ZNF804A: variants seen among roughly 807,000 people sequenced by gnomAD.
The protein encoded by ZNF804A is zinc finger protein 804A.
ZNF804A carries 2 observed loss-of-function variants against 16.5 expected under a neutral mutation model. The ratio of observed to expected loss-of-function variants is 0.12; its 90% CI spans 0.05 to 0.38. The LOEUF (loss-of-function observed/expected upper bound fraction) is 0.38. Among genes scored for constraint, ZNF804A ranks in the 10% least tolerant of loss-of-function variants. The pLI is 0.99. For synonymous variants in ZNF804A, 534 were observed against 489.6 expected (o/e 1.09, Z -1.20); for missense variants, 1,473 against 1,390.7 (o/e 1.06, Z -0.94).
At chr2:184,625,399 A>G (rs1409413533) in intron 1 of ZNF804A, among the ~76,000 whole-genome samples, 1 of 152,122 alleles carries the variant, frequency 6.6e-6, no homozygotes, top group Non-Finnish European at 1.5e-5. Flanking sequence ...TTATTATATA[A>G]GTATAATTTT....
At chr2:184,767,641 T>A (rs1266002735) in intron 1 of ZNF804A, among the ~76,000 whole-genome samples, 1 of 152,172 alleles carries the variant, frequency 6.6e-6, no homozygotes, top group Admixed American at 6.6e-5. Flanking sequence ...ACTCACTTTA[T>A]TAAAATGATC....
chr2:184,823,251 A>G (rs1355524864), intron 1 of ZNF804A, among the ~76,000 whole-genome samples: 1 of 151,986 alleles, frequency 6.6e-6, no homozygotes, highest in East Asian at 1.9e-4. Context: ...AGATTGATCC[A>G]GTGATTTTAT....
At chr2:184,878,227 G>A (rs1446414420) in intron 2 of ZNF804A, among the ~76,000 whole-genome samples, 1 of 152,042 alleles carries the variant, frequency 6.6e-6, no homozygotes, top group East Asian at 1.9e-4. Flanking sequence ...TGGTAATCCT[G>A]CTATGGACAA....
chr2:184,838,126 T>C (rs1695382579), intron 1 of ZNF804A, among the ~76,000 whole-genome samples: 1 of 151,944 alleles, frequency 6.6e-6, no homozygotes, highest in Non-Finnish European at 1.5e-5. Context: ...CAGGTTGGAG[T>C]TTAAGACAGA....
At chr2:184,705,236 A>G (rs1693003015) in intron 1 of ZNF804A, among the ~76,000 whole-genome samples, 1 of 152,212 alleles carries the variant, frequency 6.6e-6, no homozygotes, top group African/African-American at 2.4e-5. Flanking sequence ...CCAGTTAGAA[A>G]AATTTTAAAA....
intron 1 of ZNF804A, among the ~76,000 whole-genome samples, chr2:184,636,632 C>G (rs1691704123): frequency 6.6e-6 from 1 of 150,538 alleles, no homozygotes; most frequent in Non-Finnish European, 1.5e-5. Flanking sequence ...AAAATTGTTC[C>G]AAAGCAGTGT....
chr2:184,790,687 TC>T (rs1694525179), intron 1 of ZNF804A, among the ~76,000 whole-genome samples: 1 of 151,968 alleles, frequency 6.6e-6, no homozygotes. Flanking sequence ...CACTGCAAGC[TC>T]CCCCTCCTAG....
At chr2:184,704,081 T>C (rs1162313105) in intron 1 of ZNF804A, among the ~76,000 whole-genome samples, 1 of 152,130 alleles carries the variant, frequency 6.6e-6, no homozygotes, top group Non-Finnish European at 1.5e-5. Flanking sequence ...CAATTATACC[T>C]GATAAGTGAA....
Position 184,702,146 on chromosome 2 carries a change from A to G in ZNF804A, c.111+103076A>G, listed in dbSNP as rs769334731. Among the ~76,000 whole-genome samples the G allele has an allele frequency of 2.6e-5, 4 of 152,044 alleles. 1 individual carries two copies. The highest frequency in any genetic ancestry group is 4.4e-5 in the Non-Finnish European group (3 of 67,886). On this transcript the variant is annotated intron_variant, in intron 1 of 3. Coordinates refer to ENST00000302277, the MANE Select transcript of ZNF804A (RefSeq NM_194250.2). ...TTTAAAGAACCTTGTTTTCACTGCT[A>G]TGTCTAAGAATTAAAAGTCTGTGTG...
chr2:184,873,369 T>C (rs1036685558), intron 2 of ZNF804A, among the ~76,000 whole-genome samples: 1 of 152,072 alleles, frequency 6.6e-6, no homozygotes, highest in Non-Finnish European at 1.5e-5. Flanking sequence ...ATGCCTGTAG[T>C]CCCAGCTATG....
chr2:184,937,160 C>T lies in ZNF804A; in HGVS notation c.1764C>T (p.Tyr588=). Residue 588 remains tyrosine (Y), a synonymous_variant, in exon 4 of 4, where the codon TAC becomes TAT. Transcript: ENST00000302277. ...NKIRLKETHE[Y]WFHKSRRKKK... is the part of the protein sequence containing the mutation. The stretch of plus-strand genomic sequence containing the variant: ...TAAGGTTGAAAGAGACCCATGAATA[C>T]TGGTTCCATAAAAGTAGAAGAAAGA... The T allele has an allele frequency of 6.2e-7, 1 of 1,603,272 alleles. No homozygotes were observed. Among genetic ancestry groups the T allele is most frequent in the Non-Finnish European group, 8.5e-7 (1 of 1,177,436 alleles).
chr2:184,784,264 C>T (rs1694415955), intron 1 of ZNF804A, among the ~76,000 whole-genome samples: 1 of 151,852 alleles, frequency 6.6e-6, no homozygotes. Context: ...GTGTTTCAGA[C>T]TTCTTCAGCA....
intron 1 of ZNF804A, among the ~76,000 whole-genome samples, chr2:184,840,704 C>T (rs1473577641): frequency 3.3e-5 from 5 of 152,082 alleles, no homozygotes; most frequent in African/African-American, 4.8e-5. Flanking sequence ...CCAAAATATA[C>T]ACGCCCGCTA....
chr2:184,646,928 G>T (rs1033577848), intron 1 of ZNF804A, among the ~76,000 whole-genome samples: 2 of 152,178 alleles, frequency 1.3e-5, no homozygotes, highest in African/African-American at 4.8e-5. Context: ...TGAGCAGGGA[G>T]CTCAGACCAC....
At chr2:184,746,277 C>A (rs1387170930) in intron 1 of ZNF804A, among the ~76,000 whole-genome samples, 1 of 151,366 alleles carries the variant, frequency 6.6e-6, no homozygotes, top group Non-Finnish European at 1.5e-5. Context: ...AAGCACTAGA[C>A]CTTATTCCTT....
At chr2:184,632,965 ATT>A (rs1481099948) in intron 1 of ZNF804A, among the ~76,000 whole-genome samples, 1 of 152,116 alleles carries the variant, frequency 6.6e-6, no homozygotes, top group African/African-American at 2.4e-5. Flanking sequence ...TTGATGTGTG[ATT>A]CTCTCATATC....
chr2:184,797,609 G>A (rs188991810), intron 1 of ZNF804A, among the ~76,000 whole-genome samples: 13 of 152,206 alleles, frequency 8.5e-5, no homozygotes, highest in African/African-American at 3.1e-4. Context: ...GAGCATTTAG[G>A]CCATTTACAC....
chr2:184,635,206 CT>C (rs1185714422), intron 1 of ZNF804A, among the ~76,000 whole-genome samples: 1 of 152,124 alleles, frequency 6.6e-6, no homozygotes, highest in Non-Finnish European at 1.5e-5. Context: ...AACAAGACAG[CT>C]ATTCTTTCAC....
At chr2:184,642,380 A>G (rs1463294382) in intron 1 of ZNF804A, among the ~76,000 whole-genome samples, 1 of 151,844 alleles carries the variant, frequency 6.6e-6, no homozygotes, top group Non-Finnish European at 1.5e-5. Context: ...TTTCCTTTCC[A>G]TGGATATGAT....
Sources: allele counts gnomAD v4.1 joint callset (sites outside exome capture counted in the v4.1 genomes callset), GRCh38; gene constraint gnomAD v4.1.1; transcripts MANE v1.5; gene names NCBI Gene and HGNC (gene_info 2026-07-23, HGNC 2026-07-21).